The following NBAS variants were observed in gnomAD, a reference collection of about 807,000 sequenced individuals.
NBAS encodes NBAS subunit of NRZ tethering complex, also known as NAG/BC035112 fusion.
In NBAS, 219 loss-of-function variants were observed where a neutral mutation model predicts 302.5. The ratio of observed to expected loss-of-function variants is 0.72; its 90% confidence interval spans 0.65 to 0.81. The LOEUF is 0.81. Ranked by LOEUF, NBAS falls within the 30% of genes least tolerant of loss-of-function variation. The pLI is 0.00. For missense variants in NBAS, 2,932 were observed against 2,841.6 expected (o/e 1.03, Z -0.72); for synonymous variants, 1,118 against 1,021.6 (o/e 1.09, Z -1.80).
chr2:15,289,501 A>G (rs1378545284), intron 41 of NBAS, among the ~76,000 whole-genome samples: 3 of 152,186 alleles, frequency 2.0e-5, no homozygotes, highest in Non-Finnish European at 2.9e-5. Context: ...CATCCTTTCT[A>G]TTATGGGGTT....
At chr2:15,520,280 T>C (rs1662601042) in intron 9 of NBAS, among the ~76,000 whole-genome samples, 1 of 152,088 alleles carries the variant, frequency 6.6e-6, no homozygotes, top group African/African-American at 2.4e-5. Flanking sequence ...CATGTGCCTG[T>C]AGTCCCAGTT....
intron 48 of NBAS, among the ~76,000 whole-genome samples, chr2:15,197,469 T>C (rs1665676834): frequency 6.6e-6 from 1 of 152,214 alleles, no homozygotes; most frequent in African/African-American, 2.4e-5. Context: ...AAACACTAAC[T>C]GAGCATCTAC....
chr2:15,334,271 T>A (rs1181342164), intron 35 of NBAS, among the ~76,000 whole-genome samples: 1 of 151,598 alleles, frequency 6.6e-6, no homozygotes, highest in Non-Finnish European at 1.5e-5. Flanking sequence ...CTCACTGCAA[T>A]CTCCGCCTCC....
intron 24 of NBAS, among the ~76,000 whole-genome samples, 169 bp downstream of exon 24, chr2:15,417,358 T>C (rs376339221): frequency 3.3e-5 from 5 of 152,206 alleles, no homozygotes; most frequent in African/African-American, 1.2e-4. Context: ...AATAGTTTTA[T>C]ATGTGTTTAG....
At chr2:14,906,414 C>T in the NBAS span, among the ~76,000 whole-genome samples, 1 of 152,210 alleles carries the variant, frequency 6.6e-6, no homozygotes, top group Non-Finnish European at 1.5e-5. Flanking sequence ...TCATTGACCC[C>T]TCAGTCTGTT....
chr2:14,987,406 T>G, the NBAS span, among the ~76,000 whole-genome samples: 1 of 151,940 alleles, frequency 6.6e-6, no homozygotes, highest in Non-Finnish European at 1.5e-5. Context: ...TGAGTGGTGT[T>G]TGCTAAGCAT....
chr2:15,312,400 T>C (rs773215454), intron 38 of NBAS, among the ~76,000 whole-genome samples: 8 of 152,090 alleles, frequency 5.3e-5, no homozygotes. Context: ...AAGCCTCCCA[T>C]GTAGCTAGAA....
At chr2:15,258,347 C>G (rs1486504836) in intron 44 of NBAS, among the ~76,000 whole-genome samples, 1 of 152,008 alleles carries the variant, frequency 6.6e-6, no homozygotes, top group East Asian at 1.9e-4. Flanking sequence ...TTTTAGGGAA[C>G]AAGGTAAGGG....
chr2:15,381,636 T>C (rs1056188174), intron 29 of NBAS, among the ~76,000 whole-genome samples: 1 of 152,212 alleles, frequency 6.6e-6, no homozygotes, highest in Non-Finnish European at 1.5e-5. Flanking sequence ...GCACAAACAC[T>C]ACCTCAAACA....
the NBAS span, among the ~76,000 whole-genome samples, chr2:14,816,244 G>A: frequency 1.3e-5 from 2 of 152,228 alleles, no homozygotes; most frequent in Non-Finnish European, 2.9e-5. Context: ...GGTGAGCAGT[G>A]TGAGTGAGCA....
chr2:15,323,857 A>G (rs1558534604), intron 38 of NBAS, among the ~76,000 whole-genome samples: 2 of 151,662 alleles, frequency 1.3e-5, no homozygotes, highest in African/African-American at 4.8e-5. Flanking sequence ...CAAAAAAACA[A>G]AAAACAAAAC....
chr2:15,186,363 G>C (rs1008109708), intron 50 of NBAS, among the ~76,000 whole-genome samples: 10 of 152,046 alleles, frequency 6.6e-5, no homozygotes, highest in Admixed American at 1.3e-4. Flanking sequence ...ATTCAAAGTG[G>C]TTGGTTATCT....
the NBAS span, among the ~76,000 whole-genome samples, chr2:15,135,465 G>A: frequency 6.6e-6 from 1 of 152,190 alleles, no homozygotes; most frequent in Non-Finnish European, 1.5e-5. Flanking sequence ...CGTGCTTGGG[G>A]TGCAGTGGGA....
intron 40 of NBAS, among the ~76,000 whole-genome samples, chr2:15,300,885 G>A (rs1334523605): frequency 6.6e-6 from 1 of 152,138 alleles, no homozygotes; most frequent in Admixed American, 6.5e-5. Context: ...ATTTCAGATG[G>A]GGAACTGGAT....
the NBAS span, among the ~76,000 whole-genome samples, chr2:14,832,000 G>T: frequency 6.6e-6 from 1 of 152,194 alleles, no homozygotes; most frequent in Non-Finnish European, 1.5e-5. Context: ...GCATCACTCA[G>T]AGTGAAGGAA....
At chr2:15,325,192 T>G (rs962713337) in intron 38 of NBAS, among the ~76,000 whole-genome samples, 2 of 152,332 alleles carry the variant, frequency 1.3e-5, no homozygotes, top group African/African-American at 4.8e-5. Flanking sequence ...GCATACCTCA[T>G]AGATACTGTG....
intron 40 of NBAS, among the ~76,000 whole-genome samples, chr2:15,294,181 T>C (rs1406343909): frequency 6.6e-6 from 1 of 152,106 alleles, no homozygotes; most frequent in African/African-American, 2.4e-5. Flanking sequence ...AAGCCTAGGG[T>C]GCTCTGGGAA....
chr2:15,449,492 A>G (rs1053570897), intron 21 of NBAS, among the ~76,000 whole-genome samples: 3 of 152,232 alleles, frequency 2.0e-5, no homozygotes, highest in East Asian at 1.9e-4. Flanking sequence ...TACCAGATAC[A>G]TAACAAATAT....
At chr2:14,797,997 T>A in the NBAS span, among the ~76,000 whole-genome samples, 2 of 152,356 alleles carry the variant, frequency 1.3e-5, 1 homozygote, top group South Asian at 4.1e-4. Flanking sequence ...AACTTCCGTG[T>A]CAAATCCATC....
Sources: gnomAD v4.1 joint callset for allele counts (sites outside exome capture counted in the v4.1 genomes callset) on GRCh38, gnomAD v4.1.1 for gene constraint, MANE v1.5 for transcripts, NCBI Gene and HGNC (gene_info 2026-07-23, HGNC 2026-07-21) for gene names.